Variants in NELL2 observed in about 807,000 individuals in gnomAD.
The protein encoded by NELL2 is neural EGFL like 2, also known as protein kinase C-binding protein NELL2.
A neutral mutation model predicts 109.6 loss-of-function variants in NELL2; 41 were observed. The observed-to-expected ratio is 0.37, with a 90% CI of 0.29 to 0.49. NELL2 has a LOEUF of 0.49. Ranked by LOEUF, NELL2 falls within the 20% of genes least tolerant of loss-of-function variation. The pLI, the probability that NELL2 is intolerant of heterozygous loss-of-function variation, is 0.98. For missense variants in NELL2, 900 were observed against 1,008.3 expected (o/e 0.89, Z 1.45); for synonymous variants, 355 against 344.7 (o/e 1.03, Z -0.33).
chr12:44,790,431 G>T (rs909231140), intron 3 of NELL2, among the ~76,000 whole-genome samples: 1 of 152,138 alleles, frequency 6.6e-6, no homozygotes, highest in Non-Finnish European at 1.5e-5. Flanking sequence ...AATGCTGAGA[G>T]AATTCATCAC....
At chr12:44,694,520 A>AACACACACACAC (rs60024794) in intron 12 of NELL2, among the ~76,000 whole-genome samples, 1,714 of 144,362 alleles carry the variant, frequency 0.012, 16 homozygotes, top group East Asian at 0.026. Context: ...CACACATACA[A>AACACACACACAC]ACACACACAC....
intron 16 of NELL2, among the ~76,000 whole-genome samples, chr12:44,526,000 A>G (rs1941753108): frequency 6.6e-6 from 1 of 152,234 alleles, no homozygotes; most frequent in Admixed American, 6.5e-5. Flanking sequence ...CTGGAGAAAC[A>G]GAAGTGCTGG....
rs558101854 is a variant in NELL2, at chr12:44,744,470, T to C, written c.995-29729A>G. On this transcript the variant is annotated intron_variant, in intron 9 of 19. Transcript: ENST00000429094. ...AATATCAGAGCAGAACTGAAGGAAA[T>C]AGAGACACAAAAAACCCTTCAAAAA... 4.4e-3 allele frequency among the ~76,000 whole-genome samples: 668 copies of C among 151,932 alleles called. 1 individual carries two copies. Among genetic ancestry groups the C allele is most frequent in the Non-Finnish European group, 6.3e-3 (425 of 67,952 alleles).
rs142664874 is a variant in NELL2 at position 44,663,463 on chromosome 12, T to C, written c.1444+2021A>G. The stretch of plus-strand genomic sequence containing the variant: ...AGTGCCTCATTAAAGAAATACATTT[T>C]ATCATCTGCCAGATCCTGAGATTCT... On this transcript the variant is annotated intron_variant, in intron 13 of 19. Transcript: ENST00000429094. Among the ~76,000 whole-genome samples, 526 of 152,298 alleles carry C rather than the reference T, an allele frequency of 3.5e-3. 1 individual carries two copies. Among genetic ancestry groups the C allele is most frequent in the Non-Finnish European group, 6.6e-3 (446 of 68,008 alleles).
intron 10 of NELL2, among the ~76,000 whole-genome samples, chr12:44,713,778 G>C (rs1164543883): frequency 1.3e-5 from 2 of 151,686 alleles, no homozygotes; most frequent in East Asian, 1.9e-4. Flanking sequence ...ATTTGTCTTA[G>C]CAAAATTCTT....
At chr12:44,623,878 A>G (rs1946143697) in intron 13 of NELL2, among the ~76,000 whole-genome samples, 1 of 152,116 alleles carries the variant, frequency 6.6e-6, no homozygotes, top group South Asian at 2.1e-4. Flanking sequence ...CTGCAAACTA[A>G]CTCAAGAACA....
chr12:44,553,281 A>T (rs1285830303), intron 15 of NELL2, among the ~76,000 whole-genome samples: 7 of 54,530 alleles, frequency 1.3e-4, no homozygotes, highest in African/African-American at 1.9e-4. Flanking sequence ...ATAATAATAA[A>T]AAAAGAAAAA....
chr12:44,729,564 T>TAAAAAA (rs71435985), intron 9 of NELL2, among the ~76,000 whole-genome samples: 5 of 62,210 alleles, frequency 8.0e-5, no homozygotes, highest in Middle Eastern at 6.3e-3. Flanking sequence ...CTGAATGAAT[T>TAAAAAA]AAAAAAAAAA....
chr12:44,598,571 T>C (rs1461605822), intron 15 of NELL2, among the ~76,000 whole-genome samples: 1 of 152,136 alleles, frequency 6.6e-6, no homozygotes, highest in East Asian at 1.9e-4. Context: ...CATACTTATG[T>C]TTAAAACAGG....
intron 19 of NELL2, among the ~76,000 whole-genome samples, chr12:44,514,999 A>G (rs1399558615): frequency 6.6e-6 from 1 of 151,440 alleles, no homozygotes; most frequent in Non-Finnish European, 1.5e-5. Flanking sequence ...GAAAAGTTAT[A>G]GTTTAAAATC....
At chr12:44,622,397 C>T (rs905635805) in intron 13 of NELL2, among the ~76,000 whole-genome samples, 4 of 152,106 alleles carry the variant, frequency 2.6e-5, no homozygotes, top group Non-Finnish European at 5.9e-5. Flanking sequence ...TTTCACTAAG[C>T]TAGTGAAAAT....
chr12:44,843,198 C>T, intron 2 of NELL2, among the ~76,000 whole-genome samples: 1 of 151,014 alleles, frequency 6.6e-6, no homozygotes, highest in East Asian at 1.9e-4. Flanking sequence ...AACAACCCTC[C>T]TAAAGCTCAA....
At chr12:44,898,359 G>A (rs892460776) in intron 1 of NELL2, among the ~76,000 whole-genome samples, 5 of 152,116 alleles carry the variant, frequency 3.3e-5, no homozygotes, top group African/African-American at 4.8e-5. Flanking sequence ...AGAGAGCTCC[G>A]GCTGGCATCT....
At chr12:44,761,663 G>A (rs1941131600) in intron 9 of NELL2, among the ~76,000 whole-genome samples, 1 of 152,210 alleles carries the variant, frequency 6.6e-6, no homozygotes, top group Middle Eastern at 3.2e-3. Flanking sequence ...TAAAGAAAGT[G>A]TGGCATATAT....
chr12:44,865,304 C>T (rs961116229), intron 2 of NELL2, among the ~76,000 whole-genome samples: 2 of 146,802 alleles, frequency 1.4e-5, no homozygotes, highest in African/African-American at 5.1e-5. Context: ...CAAAAATTTT[C>T]TCCCATGTTG....
chr12:44,592,001 A>G (rs1247691725), intron 15 of NELL2, among the ~76,000 whole-genome samples: 1 of 152,190 alleles, frequency 6.6e-6, no homozygotes, highest in Non-Finnish European at 1.5e-5. Flanking sequence ...CAAGGCAAGG[A>G]TACTTCTTGT....
intron 9 of NELL2, among the ~76,000 whole-genome samples, chr12:44,741,185 T>A (rs1344533700): frequency 1.3e-5 from 2 of 152,238 alleles, no homozygotes; most frequent in African/African-American, 4.8e-5. Context: ...TTCCACTTAA[T>A]AAATAGTAAA....
chr12:44,795,462 C>G (rs145049325), intron 3 of NELL2, among the ~76,000 whole-genome samples: 1 of 152,120 alleles, frequency 6.6e-6, no homozygotes, highest in African/African-American at 2.4e-5. Flanking sequence ...ATGTGATAAT[C>G]CACACTAAGC....
rs990259953 is a variant in NELL2 at position 44,602,388 on chromosome 12, G to A, written c.1663+4781C>T. Among the ~76,000 whole-genome samples, 3 of 152,104 alleles carry A rather than the reference G, an allele frequency of 2.0e-5. No homozygotes were observed. The South Asian group carries it at 6.2e-4, about 32-fold the overall frequency. On this transcript the variant is annotated intron_variant, in intron 15 of 19. Coordinates refer to ENST00000429094, the MANE Select transcript of NELL2 (RefSeq NM_001145108.2). The stretch of plus-strand genomic sequence containing the variant: ...AGATTCAGAAAACTGAATTTAATAG[G>A]ATAGTAAAGAACTAGAAGCAAAGCT...
Sources: allele counts gnomAD v4.1 joint callset (sites outside exome capture counted in the v4.1 genomes callset), GRCh38; gene constraint gnomAD v4.1.1; transcripts MANE v1.5; gene names NCBI Gene and HGNC (gene_info 2026-07-23, HGNC 2026-07-21).